Variants in IFT57 observed in about 807,000 individuals in gnomAD.
IFT57 encodes the protein intraflagellar transport 57.
Under a neutral mutation model 56.8 loss-of-function variants are expected in IFT57, and 59 were observed. That is an observed-to-expected ratio of 1.04 (90% CI 0.84 to 1.29). The LOEUF is 1.29. Ranked by LOEUF, IFT57 falls within the 50% of genes most tolerant of loss-of-function variation. The pLI is 0.00. For synonymous variants in IFT57, 209 were observed against 186.1 expected, an observed-to-expected ratio of 1.12 and a Z score of -1.00; for missense variants, 470 against 522.1, an observed-to-expected ratio of 0.90 and a Z score of 0.97.
intron 1 of IFT57, among the ~76,000 whole-genome samples, chr3:108,220,999 T>C (rs546379294): frequency 6.6e-6 from 1 of 152,344 alleles, no homozygotes; most frequent in African/African-American, 2.4e-5. Context: ...ACATAGGAAA[T>C]GTTGGTTGTC....
intron 4 of IFT57, among the ~76,000 whole-genome samples, chr3:108,212,958 T>C (rs1394875517): frequency 2.6e-5 from 4 of 152,138 alleles, no homozygotes. Flanking sequence ...AGACCAACCC[T>C]TCCTCTTGCT....
At chr3:108,196,338 C>T (rs1348798809) in intron 5 of IFT57, among the ~76,000 whole-genome samples, 3 of 151,978 alleles carry the variant, frequency 2.0e-5, no homozygotes, top group Non-Finnish European at 4.4e-5. Context: ...AGGGCGCACA[C>T]CCGTCCATAC....
chr3:108,176,084 C>G (rs1270797014), intron 6 of IFT57, among the ~76,000 whole-genome samples: 1 of 151,846 alleles, frequency 6.6e-6, no homozygotes, highest in African/African-American at 2.4e-5. Context: ...TGACTCTACC[C>G]TTCTCTATTC....
intron 2 of IFT57, 119 bp from the exon 3 acceptor site, chr3:108,218,772 C>A (rs577462534): frequency 1.6e-4 from 80 of 504,364 alleles, no homozygotes; most frequent in Admixed American, 4.2e-4. Context: ...TTTACAATAA[C>A]TGTAATTACA....
intron 5 of IFT57, among the ~76,000 whole-genome samples, chr3:108,195,215 C>A (rs114678837): frequency 6.6e-6 from 1 of 151,970 alleles, no homozygotes; most frequent in South Asian, 2.1e-4. Flanking sequence ...AGCAATTATA[C>A]GAAAAAATGA....
Position 108,191,642 on chromosome 3 carries a change from T to C in IFT57, c.656A>G (p.Asp219Gly). 4 of 1,590,948 alleles carry C rather than the reference T, an allele frequency of 2.5e-6. No individual in the cohort carries two copies. Among genetic ancestry groups the C allele is most frequent in the Non-Finnish European group, 3.4e-6 (4 of 1,171,964 alleles). ...TTCTTGTTTGGCAGTCTCGTTCATATCCTAAGAAAGGAAAGATATCACAAG... is the reference window on the plus strand; with the variant it reads ...TTCTTGTTTGGCAGTCTCGTTCATACCCTAAGAAAGGAAAGATATCACAAG... The part of the protein sequence containing the change: ...NVLKAQTYHL[D>G]MNETAKQEDI... The change falls in exon 6 of 11, where the codon GAT (aspartate) becomes GGT (glycine). Residue 219 changes from aspartate to glycine, a missense_variant and splice_region_variant. Transcript: ENST00000264538.
Position 108,174,874 on chromosome 3 carries a change from T to C in IFT57, c.778-7010A>G, listed in dbSNP as rs544380764. On this transcript the variant is annotated intron_variant, in intron 6 of 10. Coordinates refer to ENST00000264538, the MANE Select transcript of IFT57 (RefSeq NM_018010.4). The stretch of plus-strand genomic sequence containing the variant: ...CAGCTGAAGCAGATATCAGCAGATA[T>C]GTATTGTATGTGAAAATAAATATGT... 5.3e-5 allele frequency among the ~76,000 whole-genome samples: 8 copies of C among 151,984 alleles called. No homozygotes were observed. The South Asian group carries it at 1.2e-3, about 24-fold the overall frequency.
chr3:108,220,144 T>G (rs1313356210), intron 1 of IFT57, among the ~76,000 whole-genome samples: 5 of 152,224 alleles, frequency 3.3e-5, no homozygotes, highest in African/African-American at 9.6e-5. Flanking sequence ...GTATGGGGTA[T>G]ATTTCAAAAG....
chr3:108,211,960 C>T (rs1218890281), intron 4 of IFT57, among the ~76,000 whole-genome samples: 1 of 152,050 alleles, frequency 6.6e-6, no homozygotes, highest in Non-Finnish European at 1.5e-5. Context: ...ATGTCAGTAA[C>T]TTTGTATTTT....
chr3:108,177,639 A>AT (rs139382462), intron 6 of IFT57, among the ~76,000 whole-genome samples: 14,619 of 151,786 alleles, frequency 0.096, 770 homozygotes, highest in Middle Eastern at 0.12. Context: ...AAGAAAAAAA[A>AT]ATTTGAAAAA....
rs752845506 is a variant in IFT57 at position 108,191,555 on chromosome 3, G to T, written c.743C>A (p.Pro248Gln). ...EWSLEVERVL[P>Q]QLKVTIRTDN... ...AGTCCTAATCGTGACTTTCAGTTGC[G>T]GTAGTACACGTTCCACTTCTAGGCT... Residue 248 changes from proline (P) to glutamine (Q), a missense_variant, in exon 6 of 11, where the codon CCG (proline) becomes CAG (glutamine). Transcript: ENST00000264538. 1.9e-6 allele frequency: 3 copies of T among 1,606,010 alleles called. No homozygotes were observed. The highest frequency in any genetic ancestry group is 2.2e-5 in the South Asian group (2 of 89,876).
At position 108,208,747 on chromosome 3, in the gene IFT57, C is replaced by G. The variant is rs137924470; in HGVS notation, c.586-2051G>C. Among the ~76,000 whole-genome samples, 33 of 152,294 alleles carry G rather than the reference C, an allele frequency of 2.2e-4. No individual in the cohort carries two copies. In the East Asian group the frequency reaches 6.2e-3, roughly 28 times the overall value. ...GATTGAACAGAAATTAAGACTGCTA[C>G]CTGGCCACTTTGGGCTCCTCATACC... On this transcript the variant is annotated intron_variant, in intron 4 of 10. Coordinates refer to ENST00000264538, the MANE Select transcript of IFT57 (RefSeq NM_018010.4).
chr3:108,197,696 T>G (rs113985895), intron 5 of IFT57, among the ~76,000 whole-genome samples: 1 of 152,284 alleles, frequency 6.6e-6, no homozygotes, highest in African/African-American at 2.4e-5. Context: ...CTCTCAAGAT[T>G]AAATACTCCC....
intron 5 of IFT57, among the ~76,000 whole-genome samples, chr3:108,192,908 CT>C (rs11284320): frequency 0.44 from 67,389 of 151,448 alleles, 15,443 homozygotes; most frequent in Middle Eastern, 0.55. Context: ...GACAAAATGT[CT>C]GAATTTTACT....
At chr3:108,188,962 G>A (rs1002659008) in intron 6 of IFT57, among the ~76,000 whole-genome samples, 2 of 152,028 alleles carry the variant, frequency 1.3e-5, no homozygotes, top group African/African-American at 4.8e-5. Flanking sequence ...CTTCCTTGTG[G>A]GATTAAGCTG....
In IFT57 at chr3:108,207,123, T is replaced by G. The variant is rs545854377; in HGVS notation, c.586-427A>C. The stretch of plus-strand genomic sequence containing the variant: ...AAAAATGAGAGGCTGACAGAGAATA[T>G]TCTCACTTTCTCTGACCAATCACAT... On this transcript the variant is annotated intron_variant, in intron 4 of 10. Coordinates refer to ENST00000264538, the MANE Select transcript of IFT57 (RefSeq NM_018010.4). Among the ~76,000 whole-genome samples, 24 of 152,300 alleles carry G rather than the reference T, an allele frequency of 1.6e-4. No homozygotes were observed. In the South Asian group the frequency reaches 1.9e-3, roughly 12 times the overall value.
chr3:108,196,160 T>C (rs921175668), intron 5 of IFT57, among the ~76,000 whole-genome samples: 1 of 152,048 alleles, frequency 6.6e-6, no homozygotes, highest in African/African-American at 2.4e-5. Flanking sequence ...ATAAAAAATA[T>C]ATAAAAATAA....
rs2080316059 is a variant in IFT57, at chr3:108,206,688, C to T, written c.594G>A (p.Glu198=). 8.0e-7 allele frequency: 1 copy of T among 1,250,244 alleles called. No homozygotes were observed. The highest frequency in any genetic ancestry group is 2.3e-5 in the South Asian group (1 of 43,228). 77.4% of individuals were successfully genotyped at this position (1,250,244 alleles called of 1,614,324 possible). A position where few individuals can be genotyped will look rare whatever the true frequency, so the allele number is the denominator to read the frequency against. ...NKVDEEFVEE[E]TDNEENFIDL... is the part of the protein sequence containing the mutation. Reference sequence around the variant, plus strand: ...CAATAAAGTTTTCTTCATTATCTGTCTCTTCTTCCTTAGAAAATAAATTTT... The same window carrying T: ...CAATAAAGTTTTCTTCATTATCTGTTTCTTCTTCCTTAGAAAATAAATTTT... Residue 198 remains glutamate (E), a synonymous_variant, in exon 5 of 11, where the codon GAG becomes GAA. Coordinates refer to ENST00000264538, the MANE Select transcript of IFT57 (RefSeq NM_018010.4).
At chr3:108,167,092 T>A (rs2080067545) in intron 7 of IFT57, 107 bp from the exon 8 acceptor site, 1 of 963,952 alleles carries the variant, frequency 1.0e-6, no homozygotes, top group Non-Finnish European at 1.5e-6. Flanking sequence ...ATCAACTACA[T>A]GTGCAAAAGA....
Sources: allele counts gnomAD v4.1 joint callset (sites outside exome capture counted in the v4.1 genomes callset), GRCh38; gene constraint gnomAD v4.1.1; transcripts MANE v1.5; gene names NCBI Gene and HGNC (gene_info 2026-07-23, HGNC 2026-07-21).